Variants in CSMD1 observed in about 807,000 individuals in gnomAD.
The protein encoded by CSMD1 is CUB and Sushi multiple domains 1.
In CSMD1, 213 loss-of-function variants were observed where a neutral mutation model predicts 417.5. That is an observed-to-expected ratio of 0.51 (90% confidence interval 0.46 to 0.57). CSMD1 has a LOEUF of 0.57. Among genes scored for constraint, CSMD1 ranks in the 20% least tolerant of loss-of-function variants. The pLI, the probability that CSMD1 is intolerant of heterozygous loss-of-function variation, is 0.00. For synonymous variants in CSMD1, 2,862 were observed against 1,736.8 expected (o/e 1.65, Z -16.11); for missense variants, 6,923 against 4,529.7 (o/e 1.53, Z -15.17).
chr8:3,062,895 G>T (rs978876033), intron 49 of CSMD1, among the ~76,000 whole-genome samples: 1 of 152,170 alleles, frequency 6.6e-6, no homozygotes, highest in Non-Finnish European at 1.5e-5. Flanking sequence ...TTGTTCAAAA[G>T]AGACAGGTAC....
chr8:4,575,538 A>C (rs190716587), intron 2 of CSMD1, among the ~76,000 whole-genome samples: 1 of 152,104 alleles, frequency 6.6e-6, no homozygotes, highest in South Asian at 2.1e-4. Flanking sequence ...AAGGGAGAGC[A>C]CCTCTTGGCC....
chr8:4,278,720 G>A (rs941851520), intron 3 of CSMD1, among the ~76,000 whole-genome samples: 9 of 152,276 alleles, frequency 5.9e-5, no homozygotes, highest in African/African-American at 2.2e-4. Flanking sequence ...CTTGTAACTT[G>A]CTGCCACTAT....
At chr8:4,427,244 G>A (rs1585056956) in intron 2 of CSMD1, among the ~76,000 whole-genome samples, 1 of 152,168 alleles carries the variant, frequency 6.6e-6, no homozygotes, top group African/African-American at 2.4e-5. Context: ...TGCCCTGAAT[G>A]GTCCTCAGTC....
rs527868242 is a variant in CSMD1, at chr8:4,245,554, G to C, written c.415+174399C>G. On this transcript the variant is annotated intron_variant, in intron 3 of 69. Transcript: ENST00000635120. ...TCCATGCTGGGATGCTAAACATGAG[G>C]TGTGTAGAGGAAATGTGAGTTCACA... is the stretch of plus-strand genomic sequence containing the variant. 1.8e-4 allele frequency among the ~76,000 whole-genome samples: 28 copies of C among 152,302 alleles called. No homozygotes were observed. The South Asian group carries it at 5.2e-3, about 28-fold the overall frequency.
chr8:4,246,178 T>A (rs909931425), intron 3 of CSMD1, among the ~76,000 whole-genome samples: 2 of 152,166 alleles, frequency 1.3e-5, no homozygotes, highest in Admixed American at 6.6e-5. Context: ...TCTTCCAATA[T>A]TCCATCCTCC....
chr8:3,834,395 G>T (rs1802552056), intron 5 of CSMD1, among the ~76,000 whole-genome samples: 1 of 151,962 alleles, frequency 6.6e-6, no homozygotes, highest in Non-Finnish European at 1.5e-5. Flanking sequence ...AATTGTGCCT[G>T]CACAGTAAAA....
intron 7 of CSMD1, among the ~76,000 whole-genome samples, chr8:3,696,535 G>A (rs77828026): frequency 0.027 from 4,124 of 152,198 alleles, 188 homozygotes; most frequent in African/African-American, 0.094. Flanking sequence ...ATAATCATTT[G>A]GTGTAATTAA....
At chr8:3,459,280 G>A (rs918440963) in intron 12 of CSMD1, among the ~76,000 whole-genome samples, 1 of 152,210 alleles carries the variant, frequency 6.6e-6, no homozygotes, top group African/African-American at 2.4e-5. Context: ...AGCAGGGTGA[G>A]GCGAGGAGAG....
At chr8:4,162,564 T>C (rs1325905285) in intron 3 of CSMD1, among the ~76,000 whole-genome samples, 1 of 152,186 alleles carries the variant, frequency 6.6e-6, no homozygotes, top group Non-Finnish European at 1.5e-5. Flanking sequence ...CTAAGTTACT[T>C]TGATTTTTTA....
intron 1 of CSMD1, among the ~76,000 whole-genome samples, chr8:4,823,907 G>A (rs1249329476): frequency 1.3e-5 from 2 of 151,926 alleles, no homozygotes; most frequent in Admixed American, 1.3e-4. Flanking sequence ...CTCTTAACAA[G>A]AGAAGAAAGA....
chr8:3,240,136 A>C (rs1333102192), intron 26 of CSMD1, among the ~76,000 whole-genome samples: 1 of 152,152 alleles, frequency 6.6e-6, no homozygotes, highest in Non-Finnish European at 1.5e-5. Context: ...AGGTCAAGTA[A>C]TTTGGGTAAA....
intron 3 of CSMD1, among the ~76,000 whole-genome samples, chr8:4,290,031 T>C (rs1797275068): frequency 6.6e-6 from 1 of 152,196 alleles, no homozygotes; most frequent in African/African-American, 2.4e-5. Flanking sequence ...ACTGCAACTG[T>C]TAAGGTTTAA....
chr8:4,007,604 C>A lies in CSMD1; in HGVS notation c.611-9494G>T, dbSNP rs190142988. Among the ~76,000 whole-genome samples the A allele has an allele frequency of 7.2e-5, 11 of 152,320 alleles. No individual in the cohort carries two copies. The East Asian group carries it at 1.7e-3, about 24-fold the overall frequency. On this transcript the variant is annotated intron_variant, in intron 4 of 69. Coordinates refer to ENST00000635120, the MANE Select transcript of CSMD1 (RefSeq NM_033225.6). ...TGAGTGCAAAGCAATGGAATGCAAG[C>A]TTTATGAGCCTGTTCTTGCACTTGC...
chr8:4,954,290 G>A (rs1051270157), intron 1 of CSMD1, among the ~76,000 whole-genome samples: 1 of 152,136 alleles, frequency 6.6e-6, no homozygotes, highest in Non-Finnish European at 1.5e-5. Context: ...TACAACAGAG[G>A]TGCAAATAAC....
At chr8:3,236,886 T>C (rs932847843) in intron 26 of CSMD1, among the ~76,000 whole-genome samples, 1 of 152,080 alleles carries the variant, frequency 6.6e-6, no homozygotes, top group Non-Finnish European at 1.5e-5. Flanking sequence ...GAGTGCCCTG[T>C]TTTCCAGTTT....
chr8:3,778,988 T>A (rs1799035392), intron 5 of CSMD1, among the ~76,000 whole-genome samples: 1 of 152,162 alleles, frequency 6.6e-6, no homozygotes, highest in African/African-American at 2.4e-5. Context: ...TTGCAGCACT[T>A]TTTCTAGGCT....
intron 6 of CSMD1, among the ~76,000 whole-genome samples, chr8:3,721,086 G>C (rs1160319356): frequency 6.6e-6 from 1 of 152,098 alleles, no homozygotes; most frequent in Non-Finnish European, 1.5e-5. Context: ...GCCTCCCAAA[G>C]TGCTGGGATT....
chr8:3,293,373 G>A (rs985438950), intron 25 of CSMD1, among the ~76,000 whole-genome samples: 2 of 152,114 alleles, frequency 1.3e-5, no homozygotes, highest in African/African-American at 2.4e-5. Flanking sequence ...ATGTTGGCCT[G>A]CCTTGCTAGA....
intron 1 of CSMD1, among the ~76,000 whole-genome samples, chr8:4,862,546 A>G (rs1211926473): frequency 5.3e-5 from 8 of 152,084 alleles, no homozygotes; most frequent in Admixed American, 5.2e-4. Flanking sequence ...GGAGGTGGTA[A>G]GAAGAGACTA....
Sources: allele counts gnomAD v4.1 joint callset (sites outside exome capture counted in the v4.1 genomes callset), GRCh38; gene constraint gnomAD v4.1.1; transcripts MANE v1.5; gene names NCBI Gene and HGNC (gene_info 2026-07-23, HGNC 2026-07-21).